The following PTGFRN variants were observed in gnomAD, a reference collection of about 807,000 sequenced individuals.
The protein encoded by PTGFRN is prostaglandin F2 receptor negative regulator.
PTGFRN carries 35 observed loss-of-function variants against 83.2 expected under a neutral mutation model. That is an observed-to-expected ratio of 0.42 (90% CI 0.32 to 0.56). The LOEUF (loss-of-function observed/expected upper bound fraction) is 0.56, where lower values mean the gene tolerates loss of function less well. Among genes scored for constraint, PTGFRN ranks in the 20% least tolerant of loss-of-function variants. The probability of loss-of-function intolerance (pLI) is 0.11; values close to 1 mark genes in which losing one functional copy is unlikely to be tolerated. For missense variants in PTGFRN, 1,051 were observed against 1,179.5 expected (o/e 0.89, Z 1.60); for synonymous variants, 519 against 498.6 (o/e 1.04, Z -0.55).
rs1649584770 is a variant in PTGFRN at position 116,923,382 on chromosome 1, GAC to G, written c.49+13132_49+13133del. On this transcript the variant is annotated intron_variant, in intron 1 of 8. Coordinates refer to ENST00000393203, the MANE Select transcript of PTGFRN (RefSeq NM_020440.4). This position sits in a 1 kb window ranked among gnomAD's most constrained non-coding sequence, Gnocchi z 4.0. ...GAATTGCGTGTGACTTCATTTCTAAGACAGGTTTTTGTGGTAGAGTAGGAAAA... is the reference window on the plus strand; with the variant it reads ...GAATTGCGTGTGACTTCATTTCTAAGAGGTTTTTGTGGTAGAGTAGGAAAA... Among the ~76,000 whole-genome samples, 1 of 152,132 alleles carries G rather than the reference GAC, an allele frequency of 6.6e-6. No individual in the cohort carries two copies. The highest frequency in any genetic ancestry group is 2.4e-5 in the African/African-American group (1 of 41,434).
At position 116,990,137 on chromosome 1, in the gene PTGFRN, A is replaced by T. The variant is rs577439417; in HGVS notation, c.*3170A>T. The T allele has an allele frequency of 6.5e-6, 1 of 152,756 alleles. No individual in the cohort carries two copies. The highest frequency in any genetic ancestry group is 2.1e-4 in the South Asian group (1 of 4,818). The allele number at this position is 152,756 out of a possible 1,614,324, so 9.5% of individuals were successfully genotyped here. A position where few individuals can be genotyped will look rare whatever the true frequency, so the allele number is the denominator to read the frequency against. Reference sequence around the variant, plus strand: ...TGTTTGACCAAATTCTCAGTGATAAATATGTGTGCAGATCCCTAGAAGAGA... The same window carrying T: ...TGTTTGACCAAATTCTCAGTGATAATTATGTGTGCAGATCCCTAGAAGAGA... On this transcript the variant is annotated 3_prime_UTR_variant, in exon 9 of 9. Coordinates refer to ENST00000393203, the MANE Select transcript of PTGFRN (RefSeq NM_020440.4).
rs955666428 is a variant in PTGFRN, at chr1:116,987,204, A to G, written c.*237A>G. On this transcript the variant is annotated 3_prime_UTR_variant, in exon 9 of 9. Transcript: ENST00000393203. ...GTAACAATCGAGTGTGTGTTTTCCC[A>G]ACTGCAGCTTTTTAATGGTTAACCT... 2.1e-6 allele frequency: 1 copy of G among 472,256 alleles called. No homozygotes were observed. Among genetic ancestry groups the G allele is most frequent in the African/African-American group, 2.0e-5 (1 of 51,104 alleles). The allele number at this position is 472,256 out of a possible 1,614,324, so 29.3% of individuals were successfully genotyped here.
At chr1:116,926,978 G>A (rs1384905500) in intron 1 of PTGFRN, among the ~76,000 whole-genome samples, 1 of 152,178 alleles carries the variant, frequency 6.6e-6, no homozygotes, top group East Asian at 1.9e-4. Context: ...GGCAGAGTGG[G>A]CTGGTTTAGG....
At chr1:116,967,412 C>T (rs1650872985) in intron 6 of PTGFRN, 82 bp downstream of exon 6, 3 of 1,399,898 alleles carry the variant, frequency 2.1e-6, no homozygotes, top group Non-Finnish European at 2.9e-6. Context: ...TTTTTTAAAA[C>T]AGCTTTGTTA....
chr1:116,926,374 T>C (rs1248021234), intron 1 of PTGFRN, among the ~76,000 whole-genome samples: 2 of 152,224 alleles, frequency 1.3e-5, no homozygotes, highest in African/African-American at 4.8e-5. Context: ...GGAGGGATGC[T>C]GAGCGGTGCT....
intron 1 of PTGFRN, among the ~76,000 whole-genome samples, chr1:116,925,198 C>T (rs956791783): frequency 2.2e-4 from 33 of 152,192 alleles, no homozygotes; most frequent in African/African-American, 7.2e-4. Flanking sequence ...GAGGCTGAGG[C>T]GGGCGGATCG....
Position 116,941,961 on chromosome 1 carries a change from A to C in PTGFRN, c.296A>C (p.Asn99Thr). 1 of 1,614,196 alleles carries C rather than the reference A, an allele frequency of 6.2e-7. No individual in the cohort carries two copies. Among genetic ancestry groups the C allele is most frequent in the Non-Finnish European group, 8.5e-7 (1 of 1,180,030 alleles). Residue 99 changes from asparagine (N) to threonine (T), a missense_variant, in exon 2 of 9, where the codon AAC becomes ACC. Asn to Thr is a moderately conservative substitution (Grantham distance 65). Transcript: ENST00000393203. The surrounding 1 kb of genome is among the most constrained non-coding windows in gnomAD (Gnocchi z 5.0). ...RGEILLRRTA[N>T]DAVELHIKNV... ...GAGATCCTGTTAAGGCGGACTGCCA[A>C]CGACGCCGTGGAGCTCCACATAAAG...
At chr1:116,970,725 A>T (rs1170760979) in intron 6 of PTGFRN, among the ~76,000 whole-genome samples, 1 of 152,244 alleles carries the variant, frequency 6.6e-6, no homozygotes, top group African/African-American at 2.4e-5. Context: ...CACCCAGAAC[A>T]ATACTATAGC....
At chr1:116,969,172 C>G (rs1399880873) in intron 6 of PTGFRN, among the ~76,000 whole-genome samples, 4 of 148,750 alleles carry the variant, frequency 2.7e-5, no homozygotes, top group Admixed American at 2.0e-4. Flanking sequence ...TCTAAGAAAT[C>G]ACTGCCTAAT....
At chr1:116,940,592 T>C (rs1181721741) in intron 1 of PTGFRN, among the ~76,000 whole-genome samples, 1 of 152,074 alleles carries the variant, frequency 6.6e-6, no homozygotes, top group Non-Finnish European at 1.5e-5. Context: ...ATGATAAAAA[T>C]ACAAAATTAA....
At chr1:116,957,151 C>CTGTG (rs57827917) in intron 4 of PTGFRN, among the ~76,000 whole-genome samples, 547 of 146,908 alleles carry the variant, frequency 3.7e-3, no homozygotes, top group East Asian at 7.9e-3. Context: ...CGCTGGCTCG[C>CTGTG]TGTGTGTGTG....
chr1:116,942,694 T>C (rs1207734277), intron 2 of PTGFRN, among the ~76,000 whole-genome samples: 1 of 152,246 alleles, frequency 6.6e-6, no homozygotes, highest in Non-Finnish European at 1.5e-5. Context: ...ATGTGTTATA[T>C]GTAATGTGGT....
intron 1 of PTGFRN, among the ~76,000 whole-genome samples, chr1:116,940,970 A>C (rs1650044424): frequency 1.3e-5 from 2 of 152,190 alleles, no homozygotes. Flanking sequence ...CTCTTAGGGA[A>C]GGGAAAACCA....
Position 116,949,353 on chromosome 1 carries a change from G to A in PTGFRN, c.994G>A (p.Ala332Thr). The change falls in exon 4 of 9, where the codon GCG becomes ACG. Residue 332 changes from alanine (A) to threonine (T), a missense_variant. Coordinates refer to ENST00000393203, the MANE Select transcript of PTGFRN (RefSeq NM_020440.4). The stretch of plus-strand genomic sequence containing the variant: ...CACCCTACCTGGCTCCCGCGTGTTG[G>A]CGCGGCTTGACCGTGATTCCCTGGT... ...DSTLPGSRVL[A>T]RLDRDSLVHS... is the part of the protein sequence containing the mutation. 6.2e-7 allele frequency: 1 copy of A among 1,614,280 alleles called. No individual in the cohort carries two copies. The highest frequency in any genetic ancestry group is 8.5e-7 in the Non-Finnish European group (1 of 1,180,060).
intron 1 of PTGFRN, among the ~76,000 whole-genome samples, chr1:116,931,249 A>G (rs988670211): frequency 1.3e-5 from 2 of 152,302 alleles, no homozygotes; most frequent in African/African-American, 4.8e-5. Context: ...CTGAAATCCC[A>G]AACACTTCTG....
At chr1:116,951,701 T>C (rs977155225) in intron 4 of PTGFRN, among the ~76,000 whole-genome samples, 6 of 152,134 alleles carry the variant, frequency 3.9e-5, no homozygotes, top group Non-Finnish European at 8.8e-5. Flanking sequence ...CCTCCTTCCC[T>C]GTGCCTATGA....
At chr1:116,974,159 T>C in intron 6 of PTGFRN, 57 bp from the exon 7 acceptor site, 1 of 1,357,336 alleles carries the variant, frequency 7.4e-7, no homozygotes, top group South Asian at 1.2e-5. Flanking sequence ...GTGCAAAGAA[T>C]GGAATTTGAC....
At chr1:116,973,554 G>A (rs375367263) in intron 6 of PTGFRN, among the ~76,000 whole-genome samples, 2 of 143,500 alleles carry the variant, frequency 1.4e-5, no homozygotes, top group African/African-American at 2.6e-5. Flanking sequence ...GCAGTGAGCC[G>A]AGATCACACT....
chr1:116,938,531 C>T (rs980534262), intron 1 of PTGFRN, among the ~76,000 whole-genome samples: 4 of 152,122 alleles, frequency 2.6e-5, no homozygotes, highest in African/African-American at 7.2e-5. Flanking sequence ...GAGAACAGCA[C>T]GGGAAAGACC....
Sources: allele counts gnomAD v4.1 joint callset (sites outside exome capture counted in the v4.1 genomes callset), GRCh38; gene constraint gnomAD v4.1.1; non-coding constraint Gnocchi (gnomAD v3.1); transcripts MANE v1.5; gene names NCBI Gene and HGNC (gene_info 2026-07-23, HGNC 2026-07-21).